Variants in CPEB1 observed in about 807,000 individuals in gnomAD.
CPEB1 encodes cytoplasmic polyadenylation element binding protein 1, also known as cytoplasmic polyadenylation element-binding protein 1.
In CPEB1, 7 loss-of-function variants were observed where a neutral mutation model predicts 65.8. The observed-to-expected ratio is 0.11, with a 90% confidence interval of 0.06 to 0.20. The LOEUF (loss-of-function observed/expected upper bound fraction) is 0.20, where lower values mean the gene tolerates loss of function less well. Among genes scored for constraint, CPEB1 ranks in the 10% least tolerant of loss-of-function variants. The probability of loss-of-function intolerance (pLI) is 1.00; values close to 1 mark genes in which losing one functional copy is unlikely to be tolerated. For missense variants in CPEB1, 551 were observed against 712.2 expected (o/e 0.77, Z 2.58); for synonymous variants, 262 against 260.0 (o/e 1.01, Z -0.08).
At chr15:82,632,583 A>G (rs1193807116) in intron 1 of CPEB1, among the ~76,000 whole-genome samples, 2 of 152,104 alleles carry the variant, frequency 1.3e-5, no homozygotes, top group African/African-American at 2.4e-5. Context: ...TGCTGCAATC[A>G]CAGCTCACTG....
chr15:82,549,617 G>A lies in CPEB1; in HGVS notation c.1323C>T (p.Val441=). Residue 441 remains valine (V), a synonymous_variant, in exon 10 of 13, where the codon GTC becomes GTT. Transcript: ENST00000684509. ...GGTCAAGCCTCTGAGATGGGCTCCG[G>A]ACAAAGTTACTGTCGGCTAATACCC... The part of the protein sequence containing the change: ...IPWVLADSNF[V]RSPSQRLDPS... 6.2e-7 allele frequency: 1 copy of A among 1,614,142 alleles called. No individual in the cohort carries two copies. The highest frequency in any genetic ancestry group is 8.5e-7 in the Non-Finnish European group (1 of 1,180,028).
At chr15:82,637,919 T>C in intron 1 of CPEB1, 1 of 434,970 alleles carries the variant, frequency 2.3e-6, no homozygotes, top group South Asian at 1.7e-5. Context: ...GGTAGATTTA[T>C]TAACCATTAA....
At chr15:82,604,442 C>T (rs759947277) in intron 3 of CPEB1, among the ~76,000 whole-genome samples, 3 of 149,774 alleles carry the variant, frequency 2.0e-5, no homozygotes, top group East Asian at 1.9e-4. Flanking sequence ...AGATTGATCG[C>T]GCCACTACAC....
chr15:82,602,203 A>C (rs1393023429), intron 3 of CPEB1, among the ~76,000 whole-genome samples: 1 of 152,244 alleles, frequency 6.6e-6, no homozygotes, highest in Non-Finnish European at 1.5e-5. Context: ...CATAACAAAA[A>C]GACAACTAGA....
At chr15:82,595,775 A>C (rs1333222119) in intron 3 of CPEB1, among the ~76,000 whole-genome samples, 1 of 152,258 alleles carries the variant, frequency 6.6e-6, no homozygotes, top group Non-Finnish European at 1.5e-5. Context: ...ATCAACTAAT[A>C]AACGAAAAAC....
intron 4 of CPEB1, among the ~76,000 whole-genome samples, chr15:82,559,343 G>T (rs1168689701): frequency 6.6e-6 from 1 of 152,138 alleles, no homozygotes; most frequent in Non-Finnish European, 1.5e-5. Context: ...GACATGGTAG[G>T]TGTATCCTTA....
chr15:82,586,388 G>GAA (rs1476302745), intron 3 of CPEB1, among the ~76,000 whole-genome samples: 5 of 151,960 alleles, frequency 3.3e-5, no homozygotes, highest in African/African-American at 1.2e-4. Flanking sequence ...CTAAAAGAAA[G>GAA]AATACTCTAA....
chr15:82,609,213 G>C (rs1281620625), intron 3 of CPEB1, among the ~76,000 whole-genome samples: 1 of 152,164 alleles, frequency 6.6e-6, no homozygotes, highest in Non-Finnish European at 1.5e-5. Flanking sequence ...CTATGTTAAA[G>C]ATTATGCTGA....
chr15:82,585,144 G>A (rs2041685720), intron 3 of CPEB1, among the ~76,000 whole-genome samples: 1 of 152,002 alleles, frequency 6.6e-6, no homozygotes, highest in Admixed American at 6.6e-5. Flanking sequence ...TTTAGCGGAA[G>A]CCCTTTATTT....
At chr15:82,642,303 C>T (rs587676022) in intron 1 of CPEB1, among the ~76,000 whole-genome samples, 1 of 152,308 alleles carries the variant, frequency 6.6e-6, no homozygotes, top group South Asian at 2.1e-4. Context: ...CCTGTAATCC[C>T]AATACTCTGG....
intron 1 of CPEB1, chr15:82,629,453 T>C: frequency 1.0e-6 from 1 of 979,796 alleles, no homozygotes; most frequent in Non-Finnish European, 1.2e-6. Context: ...AACTCCTATA[T>C]ATATATATAA....
chr15:82,557,213 C>CA (rs1015854461), intron 5 of CPEB1, among the ~76,000 whole-genome samples: 2 of 152,126 alleles, frequency 1.3e-5, no homozygotes, highest in Admixed American at 1.3e-4. Flanking sequence ...ACGTGAAATG[C>CA]AAAAATTAAC....
intron 3 of CPEB1, among the ~76,000 whole-genome samples, chr15:82,614,487 T>G (rs906364280): frequency 1.3e-5 from 2 of 152,180 alleles, no homozygotes; most frequent in African/African-American, 4.8e-5. Flanking sequence ...CACTAAAAAT[T>G]ACTGAAGTCT....
intron 1 of CPEB1, among the ~76,000 whole-genome samples, chr15:82,639,138 C>T (rs562333591): frequency 7.6e-4 from 115 of 152,316 alleles, no homozygotes; most frequent in Non-Finnish European, 1.4e-3. Context: ...AGGCCAAGTT[C>T]CTTATCAATA....
chr15:82,636,049 C>T (rs1567238106), intron 1 of CPEB1, among the ~76,000 whole-genome samples: 1 of 152,264 alleles, frequency 6.6e-6, no homozygotes, highest in East Asian at 1.9e-4. Flanking sequence ...CCCTGCATCA[C>T]CTGACTTTCC....
intron 3 of CPEB1, among the ~76,000 whole-genome samples, chr15:82,582,772 C>CA (rs1440680682): frequency 7.6e-6 from 1 of 131,404 alleles, no homozygotes; most frequent in Non-Finnish European, 1.6e-5. Flanking sequence ...GACACAGTCT[C>CA]ACTCTGTTGC....
At chr15:82,555,659 T>C (rs563180755) in intron 6 of CPEB1, among the ~76,000 whole-genome samples, 1 of 152,292 alleles carries the variant, frequency 6.6e-6, no homozygotes, top group African/African-American at 2.4e-5. Context: ...CCAGATAACC[T>C]GCCTCTTTCC....
intron 3 of CPEB1, among the ~76,000 whole-genome samples, chr15:82,589,345 A>T (rs803747): frequency 3.3e-5 from 5 of 152,056 alleles, no homozygotes; most frequent in Admixed American, 1.3e-4. Flanking sequence ...TCTGAGAGAG[A>T]GACCTCAATT....
At chr15:82,637,910 G>A (rs896425772) in intron 1 of CPEB1, 2 of 421,152 alleles carry the variant, frequency 4.7e-6, no homozygotes, top group Non-Finnish European at 9.6e-6. Context: ...TTAAAAAGGG[G>A]TAGATTTATT....
Sources: gnomAD v4.1 joint callset for allele counts (sites outside exome capture counted in the v4.1 genomes callset) on GRCh38, gnomAD v4.1.1 for gene constraint, MANE v1.5 for transcripts, NCBI Gene and HGNC (gene_info 2026-07-23, HGNC 2026-07-21) for gene names.